The following SLC44A4 variants were observed in gnomAD, a reference collection of about 807,000 sequenced individuals.
SLC44A4 encodes choline transporter-like protein 4.
Under a neutral mutation model 97.0 loss-of-function variants are expected in SLC44A4, and 74 were observed. That is an observed-to-expected ratio of 0.76 (90% CI 0.63 to 0.93). The LOEUF (loss-of-function observed/expected upper bound fraction) is 0.93. SLC44A4 is among the 40% of genes least tolerant of loss of function. The pLI, the probability that SLC44A4 is intolerant of heterozygous loss-of-function variation, is 0.00. For synonymous variants in SLC44A4, 325 were observed against 363.8 expected, an observed-to-expected ratio of 0.89 and a Z score of 1.21; for missense variants, 799 against 902.9, an observed-to-expected ratio of 0.88 and a Z score of 1.48.
rs115488734 is a variant in SLC44A4 at position 31,871,952 on chromosome 6, C to T, written c.530-391G>A. On this transcript the variant is annotated intron_variant, in intron 7 of 20. Transcript: ENST00000229729. ...TGCCCCAGAGACAGCATCCACACTC[C>T]CTGGCCAGGCTTCCAGGCTCTCCTG... 6.3e-3 allele frequency among the ~76,000 whole-genome samples: 961 copies of T among 152,250 alleles called. 9 individuals are homozygous for T. Among genetic ancestry groups the T allele is most frequent in the African/African-American group, 0.022 (902 of 41,534 alleles).
chr6:31,865,258 A>G lies in SLC44A4; in HGVS notation c.1760+57T>C. ...CTGAGCACAGCACACCCACGAAGCC[A>G]GCCTTGGGTGGGAGATCAGAGGAGG... On this transcript the variant is annotated intron_variant, in intron 17 of 20. Coordinates refer to ENST00000229729, the MANE Select transcript of SLC44A4 (RefSeq NM_025257.3). The surrounding 1 kb of genome is among the most constrained non-coding windows in gnomAD (Gnocchi z 5.2). 1 of 1,597,592 alleles carries G rather than the reference A, an allele frequency of 6.3e-7. No individual in the cohort carries two copies. Among genetic ancestry groups the G allele is most frequent in the Non-Finnish European group, 8.6e-7 (1 of 1,165,120 alleles).
rs1224171846 is a variant in SLC44A4 at position 31,878,824 on chromosome 6, C to T, written c.40+117G>A. 1.2e-5 allele frequency: 15 copies of T among 1,273,566 alleles called. No individual in the cohort carries two copies. The highest frequency in any genetic ancestry group is 1.7e-5 in the Non-Finnish European group (15 of 877,722). 78.9% of individuals were successfully genotyped at this position (1,273,566 alleles called of 1,614,324 possible). On this transcript the variant is annotated intron_variant, in intron 1 of 20. Transcript: ENST00000229729. This position sits in a 1 kb window ranked among gnomAD's most constrained non-coding sequence, Gnocchi z 4.0. Reference sequence around the variant, plus strand: ...ATGGCTCCCGGTTCCCGGGCCCTCCCCTCAGGGACACAGTACTCTCCTTAG... The same window carrying T: ...ATGGCTCCCGGTTCCCGGGCCCTCCTCTCAGGGACACAGTACTCTCCTTAG...
Position 31,878,610 on chromosome 6 carries a change from C to T in SLC44A4, c.40+331G>A, listed in dbSNP as rs1763585147. Among the ~76,000 whole-genome samples, 1 of 152,098 alleles carries T rather than the reference C, an allele frequency of 6.6e-6. No individual in the cohort carries two copies. Among genetic ancestry groups the T allele is most frequent in the Admixed American group, 6.5e-5 (1 of 15,270 alleles). ...CTCAGGGCCCCAACCTGCCACCTTC[C>T]ATCTCGGCTTTGTTTCCTAGGGCCC... is the stretch of plus-strand genomic sequence containing the variant. On this transcript the variant is annotated intron_variant, in intron 1 of 20. Coordinates refer to ENST00000229729, the MANE Select transcript of SLC44A4 (RefSeq NM_025257.3). The surrounding 1 kb of genome is among the most constrained non-coding windows in gnomAD (Gnocchi z 4.0).
Position 31,874,336 on chromosome 6 carries a change from T to G in SLC44A4, c.529+124A>C. The G allele has an allele frequency of 9.8e-7, 1 of 1,021,460 alleles. No individual in the cohort carries two copies. The allele number at this position is 1,021,460 out of a possible 1,614,324, so 63.3% of individuals were successfully genotyped here. On this transcript the variant is annotated intron_variant, in intron 7 of 20. Coordinates refer to ENST00000229729, the MANE Select transcript of SLC44A4 (RefSeq NM_025257.3). This position sits in a 1 kb window ranked among gnomAD's most constrained non-coding sequence, Gnocchi z 4.8. ...AACAAAGAGCAAAATGAAGACCTGA[T>G]GCTAATTCCAATTTTGCCACCAACA... is the stretch of plus-strand genomic sequence containing the variant.
chr6:31,873,135 A>G (rs915904504), intron 7 of SLC44A4, among the ~76,000 whole-genome samples: 3 of 152,008 alleles, frequency 2.0e-5, no homozygotes, highest in African/African-American at 4.8e-5. Flanking sequence ...TCGGCCTCCC[A>G]AAGTGCTGGG....
intron 7 of SLC44A4, among the ~76,000 whole-genome samples, chr6:31,872,700 C>T (rs501942): frequency 0.073 from 11,099 of 152,156 alleles, 519 homozygotes; most frequent in Non-Finnish European, 0.11. Flanking sequence ...ACCTCACTGT[C>T]ATTTACATTC....
Position 31,877,040 on chromosome 6 carries a change from T to G in SLC44A4, c.83A>C (p.Lys28Thr). 1 of 1,609,504 alleles carries G rather than the reference T, an allele frequency of 6.2e-7. No homozygotes were observed. The highest frequency in any genetic ancestry group is 8.5e-7 in the Non-Finnish European group (1 of 1,178,932). ...KYDPSFRGPI[K>T]NRSCTDVICC... ...AGCAGTGCCCAGAGCTCACCTGTTC[T>G]TGATGGGGCCTCGAAAGGAGGGGTC... Residue 28 changes from lysine (K) to threonine (T), a missense_variant, in exon 2 of 21, where the codon AAG (lysine) becomes ACG (threonine). Transcript: ENST00000229729. The surrounding 1 kb of genome is among the most constrained non-coding windows in gnomAD (Gnocchi z 6.5).
rs1763564755 is a variant in SLC44A4, at chr6:31,878,309, C to A, written c.40+632G>T. 2.0e-5 allele frequency among the ~76,000 whole-genome samples: 3 copies of A among 151,950 alleles called. No homozygotes were observed. In the South Asian group the frequency reaches 6.2e-4, roughly 31 times the overall value. On this transcript the variant is annotated intron_variant, in intron 1 of 20. Coordinates refer to ENST00000229729, the MANE Select transcript of SLC44A4 (RefSeq NM_025257.3). This position sits in a 1 kb window ranked among gnomAD's most constrained non-coding sequence, Gnocchi z 4.0. ...CCTCACAGAGACCCCTAGGCAGGAC[C>A]CCAGCCCCCTTTCCACAAAGACCCT...
At chr6:31,864,531 T>C in intron 20 of SLC44A4, 121 bp downstream of exon 20, 1 of 912,416 alleles carries the variant, frequency 1.1e-6, no homozygotes, top group South Asian at 1.5e-5. Flanking sequence ...AAGCTCCCTC[T>C]GGTTCGTTTA....
At chr6:31,869,335 G>T in intron 12 of SLC44A4, 78 bp from the exon 13 acceptor site, 1 of 1,172,652 alleles carries the variant, frequency 8.5e-7, no homozygotes, top group Non-Finnish European at 1.2e-6. Flanking sequence ...GTTCCTAGGT[G>T]CTTGTGCAGA....
intron 11 of SLC44A4, 122 bp from the exon 12 acceptor site, chr6:31,869,759 G>A (rs1467996414): frequency 1.4e-5 from 10 of 704,024 alleles, no homozygotes; most frequent in Non-Finnish European, 2.3e-5. Context: ...GCTGAGGCGG[G>A]CGGATCACGA....
At chr6:31,867,729 GAAAAAA>G (rs111558317) in intron 13 of SLC44A4, among the ~76,000 whole-genome samples, 4 of 125,950 alleles carry the variant, frequency 3.2e-5, no homozygotes, top group East Asian at 4.6e-4. Context: ...CATTAAAAAA[GAAAAAA>G]AAAAGAAAAA....
In SLC44A4 at chr6:31,864,745, C is replaced by A; in HGVS notation, c.1927-9G>T. ...GCCCCCAGGATGGAGGTCTGGAAGA[C>A]ATGACCCGTTGGGGTTATTGGGTTC... On this transcript the variant is annotated splice_polypyrimidine_tract_variant and intron_variant, in intron 19 of 20. Coordinates refer to ENST00000229729, the MANE Select transcript of SLC44A4 (RefSeq NM_025257.3). The A allele has an allele frequency of 6.2e-7, 1 of 1,614,112 alleles. No individual in the cohort carries two copies. Among genetic ancestry groups the A allele is most frequent in the Non-Finnish European group, 8.5e-7 (1 of 1,180,014 alleles).
chr6:31,865,376 C>A lies in SLC44A4; in HGVS notation c.1699G>T (p.Gly567Trp). ...RNAYIMIAIY[G>W]KNFCVSAKNA... ...TTGGCTGAGACACAGAAATTCTTCC[C>A]GTAGATGGCGATCTGAGGGAGGTGG... is the stretch of plus-strand genomic sequence containing the variant. Residue 567 changes from glycine to tryptophan, a missense_variant, in exon 17 of 21, where the codon GGG (glycine) becomes TGG (tryptophan). Gly to Trp is a radical substitution (Grantham distance 184, BLOSUM62 -2). This residue lies in a region of SLC44A4 where 379 missense variants were observed against 438.3 expected (regional missense o/e 0.86). Coordinates refer to ENST00000229729, the MANE Select transcript of SLC44A4 (RefSeq NM_025257.3). The surrounding 1 kb of genome is among the most constrained non-coding windows in gnomAD (Gnocchi z 5.2). The A allele has an allele frequency of 6.2e-7, 1 of 1,613,972 alleles. No homozygotes were observed. Among genetic ancestry groups the A allele is most frequent in the Non-Finnish European group, 8.5e-7 (1 of 1,180,006 alleles).
chr6:31,863,660 C>A lies in SLC44A4; in HGVS notation c.2100G>T (p.Glu700Asp), dbSNP rs550119329. The A allele has an allele frequency of 2.5e-6, 4 of 1,612,222 alleles. No homozygotes were observed. In the African/African-American group the frequency reaches 4.0e-5, roughly 16 times the overall value. The change falls in exon 21 of 21, where the codon GAG (glutamate) becomes GAT (aspartate). Residue 700 changes from glutamate (E) to aspartate (D), a missense_variant. Around this residue, in one of 3 missense-constraint regions of SLC44A4, gnomAD observed 379 missense variants for 438.3 expected, o/e 0.86. Coordinates refer to ENST00000229729, the MANE Select transcript of SLC44A4 (RefSeq NM_025257.3). Reference sequence around the variant, plus strand: ...TCCTCTTCTTGTTGTCCGGGGGCGCCTCGTTCTTCTTGCCCAGAATCTTTA... The same window carrying A: ...TCCTCTTCTTGTTGTCCGGGGGCGCATCGTTCTTCTTGCCCAGAATCTTTA... ...SLLKILGKKN[E>D]APPDNKKRKK
At position 31,874,560 on chromosome 6, in the gene SLC44A4, C is replaced by T. The variant is rs1403368882; in HGVS notation, c.469-40G>A. On this transcript the variant is annotated intron_variant, in intron 6 of 20. Coordinates refer to ENST00000229729, the MANE Select transcript of SLC44A4 (RefSeq NM_025257.3). The surrounding 1 kb of genome is among the most constrained non-coding windows in gnomAD (Gnocchi z 4.8). ...AAAGGACAGACACACAGACACAGAG[C>T]AGGATGAAGAAGCAGGTCCCCTCAC... is the stretch of plus-strand genomic sequence containing the variant. 1 of 1,603,428 alleles carries T rather than the reference C, an allele frequency of 6.2e-7. No homozygotes were observed. Among genetic ancestry groups the T allele is most frequent in the Non-Finnish European group, 8.5e-7 (1 of 1,174,578 alleles).
chr6:31,878,809 G>T lies in SLC44A4; in HGVS notation c.40+132C>A. The T allele has an allele frequency of 8.8e-7, 1 of 1,132,724 alleles. No individual in the cohort carries two copies. Among genetic ancestry groups the T allele is most frequent in the Non-Finnish European group, 1.3e-6 (1 of 757,840 alleles). 70.2% of individuals were successfully genotyped at this position (1,132,724 alleles called of 1,614,324 possible). The stretch of plus-strand genomic sequence containing the variant: ...TGACTCCCTCCCTCCATGGCTCCCG[G>T]TTCCCGGGCCCTCCCCTCAGGGACA... On this transcript the variant is annotated intron_variant, in intron 1 of 20. Transcript: ENST00000229729. The surrounding 1 kb of genome is among the most constrained non-coding windows in gnomAD (Gnocchi z 4.0).
rs1208384575 is a variant in SLC44A4, at chr6:31,875,840, C to A, written c.242+12G>T. The A allele has an allele frequency of 6.2e-7, 1 of 1,602,718 alleles. No homozygotes were observed. Among genetic ancestry groups the A allele is most frequent in the Non-Finnish European group, 8.5e-7 (1 of 1,173,290 alleles). ...CTCGCTCCTGCACTCCTCTTCTCGCCTTTGTACTCACTTGTTCTCCCCCAT... is the reference window on the plus strand; with the variant it reads ...CTCGCTCCTGCACTCCTCTTCTCGCATTTGTACTCACTTGTTCTCCCCCAT... On this transcript the variant is annotated intron_variant, in intron 4 of 20. Coordinates refer to ENST00000229729, the MANE Select transcript of SLC44A4 (RefSeq NM_025257.3).
chr6:31,866,250 G>T (rs143901474), intron 13 of SLC44A4, 124 bp from the exon 14 acceptor site: 2 of 1,258,546 alleles, frequency 1.6e-6, no homozygotes, highest in Non-Finnish European at 2.2e-6. Context: ...AGCTTCTCTG[G>T]ACTGCGGGAA....
Sources: gnomAD v4.1 joint callset for allele counts (sites outside exome capture counted in the v4.1 genomes callset) on GRCh38, gnomAD v4.1.1 for gene constraint, gnomAD v4.1.1 regional missense constraint, Gnocchi (gnomAD v3.1) non-coding constraint, MANE v1.5 for transcripts, NCBI Gene and HGNC (gene_info 2026-07-23, HGNC 2026-07-21) for gene names.